The following DTX1 variants were observed in gnomAD, a reference collection of about 807,000 sequenced individuals.
DTX1 encodes the protein deltex E3 ubiquitin ligase 1.
In DTX1, 26 loss-of-function variants were observed where a neutral mutation model predicts 57.8. That is an observed-to-expected ratio of 0.45 (90% CI 0.33 to 0.62). The LOEUF (loss-of-function observed/expected upper bound fraction) is 0.62. Ranked by LOEUF, DTX1 falls within the 20% of genes least tolerant of loss-of-function variation. The pLI is 0.02. For missense variants in DTX1, 704 were observed against 895.3 expected, an observed-to-expected ratio of 0.79 and a Z score of 2.73; for synonymous variants, 398 against 394.1, an observed-to-expected ratio of 1.01 and a Z score of -0.12.
At position 113,093,441 on chromosome 12, in the gene DTX1, T is replaced by G; in HGVS notation, c.1004-98T>G. 1.5e-5 allele frequency: 7 copies of G among 478,250 alleles called. No homozygotes were observed. Among genetic ancestry groups the G allele is most frequent in the African/African-American group, 2.6e-5 (1 of 38,368 alleles). The allele number at this position is 478,250 out of a possible 1,614,324, so 29.6% of individuals were successfully genotyped here. ...TGGGTGGGGCCCAAGAGCGCAACCCTCCCACCCACCCGAGGGCCCCGGGAT... is the reference window on the plus strand; with the variant it reads ...TGGGTGGGGCCCAAGAGCGCAACCCGCCCACCCACCCGAGGGCCCCGGGAT... On this transcript the variant is annotated intron_variant, in intron 4 of 9. Transcript: ENST00000548759. The surrounding 1 kb of genome is among the most constrained non-coding windows in gnomAD (Gnocchi z 4.2).
intron 2 of DTX1, among the ~76,000 whole-genome samples, chr12:113,075,895 G>T (rs2044768007): frequency 6.6e-6 from 1 of 152,106 alleles, no homozygotes; most frequent in Non-Finnish European, 1.5e-5. Flanking sequence ...CCTGCTGTGT[G>T]CAGGTGCTGG....
chr12:113,061,394 G>A (rs1047360765), intron 2 of DTX1, among the ~76,000 whole-genome samples: 4 of 152,140 alleles, frequency 2.6e-5, no homozygotes, highest in East Asian at 3.9e-4. Flanking sequence ...TTTTTCCCTC[G>A]CTTTACCCAG....
chr12:113,065,492 C>G (rs2044697975), intron 2 of DTX1, among the ~76,000 whole-genome samples: 1 of 152,192 alleles, frequency 6.6e-6, no homozygotes, highest in South Asian at 2.1e-4. Flanking sequence ...TCGCAGCCCT[C>G]TCCCTCTCCT....
rs1237215830 is a variant in DTX1, at chr12:113,077,951, G to C, written c.787G>C (p.Ala263Pro). 3.9e-6 allele frequency: 4 copies of C among 1,024,864 alleles called. No homozygotes were observed. Among genetic ancestry groups the C allele is most frequent in the African/African-American group, 1.7e-5 (1 of 57,446 alleles). The allele number at this position is 1,024,864 out of a possible 1,614,324, so 63.5% of individuals were successfully genotyped here. The change falls in exon 3 of 10, where the codon GCC (alanine) becomes CCC (proline). Residue 263 changes from alanine (A) to proline (P), a missense_variant. Around this residue, in one of 3 missense-constraint regions of DTX1, gnomAD observed 299 missense variants for 311.2 expected, o/e 0.96. Coordinates refer to ENST00000548759, the MANE Select transcript of DTX1 (RefSeq NM_004416.3). This position sits in a 1 kb window ranked among gnomAD's most constrained non-coding sequence, Gnocchi z 7.8. Reference protein sequence around the residue: ...FTGAALWAAPAAGPAEPAPPP... With the variant: ...FTGAALWAAPPAGPAEPAPPP... ...AGGCGCCGCGCTCTGGGCAGCGCCC[G>C]CCGCCGGCCCCGCCGAGCCCGCGCC...
chr12:113,090,540 C>T (rs1273415386), intron 3 of DTX1, among the ~76,000 whole-genome samples: 1 of 152,208 alleles, frequency 6.6e-6, no homozygotes, highest in Non-Finnish European at 1.5e-5. Context: ...GAAACTGAGG[C>T]ACAGTGCTTT....
chr12:113,097,562 G>A lies in DTX1; in HGVS notation c.*623G>A, dbSNP rs1377806617. 1.3e-5 allele frequency: 2 copies of A among 152,488 alleles called. No homozygotes were observed. The highest frequency in any genetic ancestry group is 3.9e-4 in the East Asian group (2 of 5,180). 9.4% of individuals were successfully genotyped at this position (152,488 alleles called of 1,614,324 possible). ...CTACAAAAGAATGGCCAGCACGAGC[G>A]GGGACTAGAGGGTCCTGATTTTGTG... On this transcript the variant is annotated 3_prime_UTR_variant, in exon 10 of 10. Coordinates refer to ENST00000548759, the MANE Select transcript of DTX1 (RefSeq NM_004416.3).
intron 3 of DTX1, among the ~76,000 whole-genome samples, chr12:113,082,734 T>C (rs1339813504): frequency 6.6e-6 from 1 of 152,206 alleles, no homozygotes; most frequent in Non-Finnish European, 1.5e-5. Flanking sequence ...TAGGTGGGAC[T>C]ACAGGCACGC....
At chr12:113,091,574 A>G (rs1950248073) in intron 3 of DTX1, among the ~76,000 whole-genome samples, 1 of 151,900 alleles carries the variant, frequency 6.6e-6, no homozygotes, top group Admixed American at 6.6e-5. Context: ...GCATGTGTGT[A>G]TATTTGGATC....
Position 113,094,154 on chromosome 12 carries a change from C to T in DTX1, c.1227+55C>T, listed in dbSNP as rs1024010472. On this transcript the variant is annotated intron_variant, in intron 6 of 9. Transcript: ENST00000548759. ...GGCCCTGGCATGGAGGGGGCAGGAA[C>T]CCTCACCCCTCCTCCTGGGTTCTGG... is the stretch of plus-strand genomic sequence containing the variant. 2.0e-6 allele frequency: 3 copies of T among 1,481,440 alleles called. No homozygotes were observed. In the South Asian group the frequency reaches 3.7e-5, roughly 18 times the overall value. The allele number at this position is 1,481,440 out of a possible 1,614,324, so 91.8% of individuals were successfully genotyped here. A position where few individuals can be genotyped will look rare whatever the true frequency, so the allele number is the denominator to read the frequency against.
chr12:113,078,211 A>G (rs894282843), intron 3 of DTX1, 106 bp downstream of exon 3: 25 of 901,794 alleles, frequency 2.8e-5, no homozygotes, highest in South Asian at 1.2e-4. Flanking sequence ...CAATAATAAT[A>G]ATGACGATAA....
chr12:113,059,463 A>G (rs1226980460), intron 2 of DTX1, among the ~76,000 whole-genome samples: 1 of 152,036 alleles, frequency 6.6e-6, no homozygotes, highest in African/African-American at 2.4e-5. Context: ...CGTTGGTGGT[A>G]ATGTGATGGC....
At chr12:113,066,853 A>G (rs2044706794) in intron 2 of DTX1, among the ~76,000 whole-genome samples, 1 of 152,088 alleles carries the variant, frequency 6.6e-6, no homozygotes, top group African/African-American at 2.4e-5. Context: ...AAGTCCCAGC[A>G]TATAGGACTG....
At chr12:113,070,109 C>T (rs1274737643) in intron 2 of DTX1, among the ~76,000 whole-genome samples, 1 of 152,180 alleles carries the variant, frequency 6.6e-6, no homozygotes, top group Admixed American at 6.5e-5. Flanking sequence ...CTGCTCCGTG[C>T]CTCTGTTTTC....
Position 113,058,331 on chromosome 12 carries a change from C to G in DTX1, c.139C>G (p.His47Asp). The G allele has an allele frequency of 6.2e-7, 1 of 1,613,730 alleles. No homozygotes were observed. Among genetic ancestry groups the G allele is most frequent in the Non-Finnish European group, 8.5e-7 (1 of 1,180,034 alleles). Residue 47 changes from histidine to aspartate, a missense_variant, in exon 2 of 10, where the codon CAC becomes GAC. His to Asp is a moderately conservative substitution (Grantham distance 81, BLOSUM62 -1). Around this residue, in one of 3 missense-constraint regions of DTX1, gnomAD observed 237 missense variants for 328.6 expected, o/e 0.72. Coordinates refer to ENST00000548759, the MANE Select transcript of DTX1 (RefSeq NM_004416.3). ...WRPYTATVCH[H>D]IENVLKEDAR... is the part of the protein sequence containing the mutation. ...GCCCTACACGGCCACCGTGTGCCACCACATTGAGAACGTGCTGAAGGAGGA... is the reference window on the plus strand; with the variant it reads ...GCCCTACACGGCCACCGTGTGCCACGACATTGAGAACGTGCTGAAGGAGGA...
At chr12:113,079,305 C>T (rs1485553534) in intron 3 of DTX1, among the ~76,000 whole-genome samples, 1 of 152,138 alleles carries the variant, frequency 6.6e-6, no homozygotes, top group South Asian at 2.1e-4. Context: ...ATGGCATGGC[C>T]GGGGGAATTG....
intron 2 of DTX1, among the ~76,000 whole-genome samples, chr12:113,072,644 C>T (rs2044744108): frequency 6.7e-6 from 1 of 150,306 alleles, no homozygotes; most frequent in African/African-American, 2.5e-5. Context: ...GATAAGGGCA[C>T]TGAGGCTATG....
intron 9 of DTX1, 27 bp from the exon 10 acceptor site, chr12:113,096,688 G>C (rs566196145): frequency 6.3e-7 from 1 of 1,589,190 alleles, no homozygotes; most frequent in Non-Finnish European, 8.6e-7. Flanking sequence ...ACCTCCTCCC[G>C]GCCCCACTGT....
At position 113,077,843 on chromosome 12, in the gene DTX1, C is replaced by A; in HGVS notation, c.679C>A (p.Pro227Thr). 7.5e-7 allele frequency: 1 copy of A among 1,337,822 alleles called. No homozygotes were observed. 82.9% of individuals were successfully genotyped at this position (1,337,822 alleles called of 1,614,324 possible). The change falls in exon 3 of 10, where the codon CCC (proline) becomes ACC (threonine). Residue 227 changes from proline (P) to threonine (T), a missense_variant. Physicochemically the swap from Pro to Thr is conservative, Grantham distance 38. Transcript: ENST00000548759. The surrounding 1 kb of genome is among the most constrained non-coding windows in gnomAD (Gnocchi z 7.8). ...AILASQRRKA[P>T]PAPPLPPPPP... ...CCTGGCCTCGCAGCGCCGCAAGGCG[C>A]CCCCCGCGCCCCCGCTGCCGCCGCC... is the stretch of plus-strand genomic sequence containing the variant.
chr12:113,095,574 A>C, intron 9 of DTX1, 160 bp downstream of exon 9: 2 of 850,248 alleles, frequency 2.4e-6, no homozygotes, highest in Non-Finnish European at 1.8e-6. Context: ...TCCTTCACAC[A>C]TCTTATCTCG....
Sources: allele counts gnomAD v4.1 joint callset (sites outside exome capture counted in the v4.1 genomes callset), GRCh38; gene constraint gnomAD v4.1.1; regional missense constraint gnomAD v4.1.1; non-coding constraint Gnocchi (gnomAD v3.1); transcripts MANE v1.5; gene names NCBI Gene and HGNC (gene_info 2026-07-23, HGNC 2026-07-21).